The following LUZP1 variants were observed in gnomAD, a reference collection of about 807,000 sequenced individuals.
The protein encoded by LUZP1 is leucine zipper protein 1, also known as filamin mechanobinding actin cross-linking protein.
Under a neutral mutation model 71.3 loss-of-function variants are expected in LUZP1, and 25 were observed. The ratio of observed to expected loss-of-function variants is 0.35; its 90% CI spans 0.26 to 0.49. LUZP1 has a LOEUF of 0.49. LUZP1 is among the 20% of genes least tolerant of loss of function. The pLI, the probability that LUZP1 is intolerant of heterozygous loss-of-function variation, is 0.99. For missense variants in LUZP1, 1,142 were observed against 1,300.8 expected (o/e 0.88, Z 1.88); for synonymous variants, 481 against 506.4 (o/e 0.95, Z 0.67).
Position 23,089,106 on chromosome 1 carries a change from G to A in LUZP1, c.3073-53C>T, listed in dbSNP as rs1435838658. 39 of 1,564,448 alleles carry A rather than the reference G, an allele frequency of 2.5e-5. No individual in the cohort carries two copies. The Admixed American group carries it at 4.6e-4, about 18-fold the overall frequency. On this transcript the variant is annotated intron_variant, in intron 4 of 4. Transcript: ENST00000302291. ...TGTGGAGGTCAGTAAAGTGAGGACC[G>A]AGACACCCTCACCTGCTACCATAGT...
intron 4 of LUZP1, 109 bp downstream of exon 3, chr1:23,091,081 C>T: frequency 8.7e-7 from 1 of 1,150,824 alleles, no homozygotes; most frequent in Non-Finnish European, 1.2e-6. Flanking sequence ...CAGTTCTACT[C>T]AGTTCTCAAG....
intron 1 of LUZP1, among the ~76,000 whole-genome samples, chr1:23,176,058 T>C (rs1644580638): frequency 2.1e-5 from 3 of 140,442 alleles, no homozygotes; most frequent in Admixed American, 7.8e-5. Context: ...TTTTACTTCC[T>C]TGACTTTTTT....
chr1:23,165,756 C>T lies in LUZP1; in HGVS notation c.-226+3010G>A, dbSNP rs556840757. ...ACCACATCTTTCAGCCTGGACTATC[C>T]GGGTCCTACCTGTAACAGCATGCTT... On this transcript the variant is annotated intron_variant, in intron 2 of 4. Transcript: ENST00000302291. Among the ~76,000 whole-genome samples the T allele has an allele frequency of 7.9e-5, 12 of 152,242 alleles. No individual in the cohort carries two copies. The East Asian group carries it at 1.5e-3, about 20-fold the overall frequency.
intron 1 of LUZP1, among the ~76,000 whole-genome samples, chr1:23,175,598 T>C (rs1351780662): frequency 2.0e-5 from 3 of 152,210 alleles, no homozygotes; most frequent in African/African-American, 7.2e-5. Flanking sequence ...CTGATCCCTT[T>C]CTGTCCCTAG....
intron 2 of LUZP1, among the ~76,000 whole-genome samples, chr1:23,142,432 T>C (rs1644310200): frequency 6.6e-6 from 1 of 152,168 alleles, no homozygotes; most frequent in Non-Finnish European, 1.5e-5. Context: ...GTTTTTCTTT[T>C]TGGCATTGCC....
rs1473562306 is a variant in LUZP1 at position 23,093,941 on chromosome 1, T to C, written c.321A>G (p.Lys107=). ...GTTTCTGAAGCCGCTCAATCTCAGATTTCAGCTCCCGGGTGAGGTTTTCTT... is the reference window on the plus strand; with the variant it reads ...GTTTCTGAAGCCGCTCAATCTCAGACTTCAGCTCCCGGGTGAGGTTTTCTT... The change falls in exon 4 of 5, where the codon AAA becomes AAG. Residue 107 remains lysine, a synonymous_variant. Coordinates refer to ENST00000302291, the Ensembl canonical transcript of LUZP1. This position sits in a 1 kb window ranked among gnomAD's most constrained non-coding sequence, Gnocchi z 4.2. 6.2e-7 allele frequency: 1 copy of C among 1,614,218 alleles called. No individual in the cohort carries two copies. The highest frequency in any genetic ancestry group is 2.2e-5 in the East Asian group (1 of 44,886).
At chr1:23,140,197 T>A (rs1557674252) in intron 2 of LUZP1, 2 of 151,838 alleles carry the variant, frequency 1.3e-5, no homozygotes, top group East Asian at 3.9e-4. Context: ...CTCACTCCTG[T>A]AGTAGCACCT....
chr1:23,120,430 T>G (rs991887434), intron 2 of LUZP1, among the ~76,000 whole-genome samples: 1 of 152,094 alleles, frequency 6.6e-6, no homozygotes, highest in African/African-American at 2.4e-5. Context: ...GGTGCAATCA[T>G]GGCTTAATGC....
At chr1:23,092,943 C>A in exon 4 of LUZP1, 1 of 1,614,144 alleles carries the variant, frequency 6.2e-7, no homozygotes, top group Non-Finnish European at 8.5e-7. Context: ...ACTGTCTGTA[C>A]TCACCCCCAT....
rs60316911 is a variant in LUZP1 at position 23,142,700 on chromosome 1, TACACACACACACAC to T, written c.-226+26052_-226+26065del. On this transcript the variant is annotated intron_variant, in intron 2 of 4. Coordinates refer to ENST00000302291, the Ensembl canonical transcript of LUZP1. ...TGGGTGCATAAAATATATATATATATACACACACACACACACACACACACACACACACACACACA... is the reference window on the plus strand; with the variant it reads ...TGGGTGCATAAAATATATATATATATACACACACACACACACACACACACA... Among the ~76,000 whole-genome samples, 484 of 104,374 alleles carry T rather than the reference TACACACACACACAC, an allele frequency of 4.6e-3. 7 individuals are homozygous for T. The highest frequency in any genetic ancestry group is 0.018 in the African/African-American group (452 of 25,316). 68.5% of individuals were successfully genotyped at this position (104,374 alleles called of 152,430 possible).
intron 2 of LUZP1, among the ~76,000 whole-genome samples, chr1:23,123,419 G>C (rs1005865673): frequency 1.4e-4 from 21 of 151,604 alleles, no homozygotes; most frequent in African/African-American, 5.1e-4. Flanking sequence ...TTGAACCCGG[G>C]AGGCGGAGGT....
At chr1:23,114,633 C>T (rs1644063088) in intron 2 of LUZP1, among the ~76,000 whole-genome samples, 1 of 152,188 alleles carries the variant, frequency 6.6e-6, no homozygotes. Context: ...TTCTTTAAGG[C>T]CTGCCTTTTG....
intron 2 of LUZP1, among the ~76,000 whole-genome samples, chr1:23,158,285 T>G (rs1213741656): frequency 6.6e-6 from 1 of 152,198 alleles, no homozygotes; most frequent in African/African-American, 2.4e-5. Flanking sequence ...TTCACCTTGG[T>G]TTGAATAAAC....
Position 23,092,334 on chromosome 1 carries a change from G to A in LUZP1, c.1928C>T (p.Ala643Val), listed in dbSNP as rs761192667. The change falls in exon 4 of 5, where the codon GCC becomes GTC. Residue 643 changes from alanine (A) to valine (V), a missense_variant. Ala to Val is a moderately conservative substitution (Grantham distance 64). Coordinates refer to ENST00000302291, the Ensembl canonical transcript of LUZP1. ...GGATTTGATGACTCGACACCTCAAG[G>A]CTTCATGCGGACTGCTGTCTTCCAT... 6 of 1,614,042 alleles carry A rather than the reference G, an allele frequency of 3.7e-6. No homozygotes were observed. In the Admixed American group the frequency reaches 1.0e-4, roughly 27 times the overall value.
At chr1:23,141,666 T>C (rs1436366289) in intron 2 of LUZP1, among the ~76,000 whole-genome samples, 1 of 152,064 alleles carries the variant, frequency 6.6e-6, no homozygotes, top group Admixed American at 6.5e-5. Flanking sequence ...TAAAATCATC[T>C]TGAAGTTTTT....
At chr1:23,109,508 A>G (rs1644011221) in intron 2 of LUZP1, 3 of 152,282 alleles carry the variant, frequency 2.0e-5, no homozygotes. Context: ...CTGATCTGAA[A>G]ATCCCAAATT....
chr1:23,123,262 G>T (rs1188550350), intron 2 of LUZP1, among the ~76,000 whole-genome samples: 1 of 152,138 alleles, frequency 6.6e-6, no homozygotes, highest in Admixed American at 6.5e-5. Context: ...GGGAGGCCGA[G>T]GCGGGGGGAT....
chr1:23,132,643 T>C (rs1644224072), intron 2 of LUZP1, among the ~76,000 whole-genome samples: 1 of 152,168 alleles, frequency 6.6e-6, no homozygotes, highest in African/African-American at 2.4e-5. Context: ...ATCCTTATTA[T>C]TTAGGGTGAC....
exon 5 of LUZP1, chr1:23,087,413 C>G (rs1382602910): frequency 6.6e-6 from 1 of 152,176 alleles, no homozygotes; most frequent in African/African-American, 2.4e-5. Flanking sequence ...AGATTTGGTG[C>G]CCTTAGAGAT....
Sources: gnomAD v4.1 joint callset for allele counts (sites outside exome capture counted in the v4.1 genomes callset) on GRCh38, gnomAD v4.1.1 for gene constraint, Gnocchi (gnomAD v3.1) non-coding constraint, MANE v1.5 for transcripts, NCBI Gene and HGNC (gene_info 2026-07-23, HGNC 2026-07-21) for gene names.